Variants in FRMD4B observed in about 807,000 individuals in gnomAD.
FRMD4B encodes FERM domain-containing protein 4B.
FRMD4B carries 74 observed loss-of-function variants against 141.5 expected under a neutral mutation model. The observed-to-expected ratio is 0.52, with a 90% CI of 0.43 to 0.63. The LOEUF is 0.63. FRMD4B is among the 30% of genes least tolerant of loss of function. The pLI, the probability that FRMD4B is intolerant of heterozygous loss-of-function variation, is 0.00. For missense variants in FRMD4B, 1,366 were observed against 1,253.4 expected, an observed-to-expected ratio of 1.09 and a Z score of -1.36; for synonymous variants, 506 against 467.9, an observed-to-expected ratio of 1.08 and a Z score of -1.05.
chr3:69,446,225 C>T (rs954260485), intron 1 of FRMD4B, among the ~76,000 whole-genome samples: 60 of 151,666 alleles, frequency 4.0e-4, no homozygotes, highest in Non-Finnish European at 4.4e-5. Flanking sequence ...ACGAGGTTTC[C>T]TCATGTTGGT....
rs748713879 is a variant in FRMD4B, at chr3:69,196,883, T to C, written c.1092+17A>G. On this transcript the variant is annotated intron_variant, in intron 13 of 22. Coordinates refer to ENST00000398540, the MANE Select transcript of FRMD4B (RefSeq NM_015123.3). ...AAAGGGGAATCTGTCCCTATAGAAA[T>C]GATGCCAGTTACTTACTTTGCTTTG... is the stretch of plus-strand genomic sequence containing the variant. 33 of 1,593,514 alleles carry C rather than the reference T, an allele frequency of 2.1e-5. No individual in the cohort carries two copies. Among genetic ancestry groups the C allele is most frequent in the Middle Eastern group, 3.3e-4 (2 of 6,030 alleles).
chr3:69,518,796 C>T (rs1268990751), intron 1 of FRMD4B, among the ~76,000 whole-genome samples: 1 of 152,186 alleles, frequency 6.6e-6, no homozygotes. Flanking sequence ...GCTGAAGAGA[C>T]TAGCAGGGAA....
chr3:69,328,537 A>C (rs1045772722), intron 1 of FRMD4B, among the ~76,000 whole-genome samples: 1 of 152,174 alleles, frequency 6.6e-6, no homozygotes, highest in Non-Finnish European at 1.5e-5. Flanking sequence ...AGGCATTCTT[A>C]GTCACAGGAT....
rs1279226254 is a variant in FRMD4B, at chr3:69,525,275, G to C, written c.-129+16931C>G. 8.5e-3 allele frequency among the ~76,000 whole-genome samples: 1,291 copies of C among 152,298 alleles called. 21 individuals are homozygous for C. The highest frequency in any genetic ancestry group is 0.029 in the African/African-American group (1,189 of 41,556). ...TTTTTTCAGACTCCCCTTTCTCAGA[G>C]CACACAGGATGGGTAGATGTTGGGT... On this transcript the variant is annotated intron_variant, in intron 1 of 5. Transcript: ENST00000459638.
At chr3:69,297,052 A>T (rs1354616026) in intron 4 of FRMD4B, among the ~76,000 whole-genome samples, 1 of 152,140 alleles carries the variant, frequency 6.6e-6, no homozygotes, top group Non-Finnish European at 1.5e-5. Context: ...CCTAGAATAT[A>T]TTGGGAGCAT....
At chr3:69,336,779 C>A (rs894082171) in intron 1 of FRMD4B, among the ~76,000 whole-genome samples, 5 of 152,044 alleles carry the variant, frequency 3.3e-5, no homozygotes. Context: ...CCTATCTCTA[C>A]TAAAAATATA....
chr3:69,234,262 A>T (rs1053088234), intron 7 of FRMD4B, among the ~76,000 whole-genome samples: 3 of 150,714 alleles, frequency 2.0e-5, no homozygotes, highest in Non-Finnish European at 4.4e-5. Context: ...AAAAAAAAAA[A>T]GTGTATTAAA....
intron 11 of FRMD4B, among the ~76,000 whole-genome samples, chr3:69,208,356 G>A (rs897481001): frequency 9.2e-5 from 14 of 151,644 alleles, no homozygotes; most frequent in African/African-American, 2.2e-4. Context: ...GAGCCACCAC[G>A]CCTGGCCTAA....
chr3:69,249,117 T>G (rs1188882843), intron 7 of FRMD4B, 109 bp downstream of exon 7: 5 of 689,786 alleles, frequency 7.2e-6, no homozygotes, highest in Non-Finnish European at 1.3e-5. Context: ...TCTCCTGCCT[T>G]ACAGATCTAC....
At chr3:69,513,219 A>G (rs1706717360) in intron 1 of FRMD4B, among the ~76,000 whole-genome samples, 1 of 152,158 alleles carries the variant, frequency 6.6e-6, no homozygotes, top group South Asian at 2.1e-4. Flanking sequence ...AAGGAAAGAG[A>G]TGTTAGAAGC....
intron 19 of FRMD4B, among the ~76,000 whole-genome samples, chr3:69,186,335 T>C (rs1270917546): frequency 6.7e-6 from 1 of 148,702 alleles, no homozygotes; most frequent in Non-Finnish European, 1.5e-5. Flanking sequence ...AATTGTGAAA[T>C]CCTGGGCTCA....
chr3:69,512,646 C>T (rs138695899), intron 1 of FRMD4B, among the ~76,000 whole-genome samples: 79 of 152,114 alleles, frequency 5.2e-4, no homozygotes, highest in Non-Finnish European at 2.9e-4. Flanking sequence ...TCCTAGTCAA[C>T]GAGAATAGGG....
At chr3:69,533,059 C>G (rs1701026654) in intron 1 of FRMD4B, among the ~76,000 whole-genome samples, 1 of 152,192 alleles carries the variant, frequency 6.6e-6, no homozygotes, top group South Asian at 2.1e-4. Flanking sequence ...GGCAGTTTTA[C>G]AATGCCAAAA....
intron 1 of FRMD4B, among the ~76,000 whole-genome samples, chr3:69,514,923 T>C (rs944828197): frequency 6.6e-6 from 1 of 151,960 alleles, no homozygotes; most frequent in Non-Finnish European, 1.5e-5. Context: ...TTGAAAAAAA[T>C]GAACAAAGTT....
intron 7 of FRMD4B, among the ~76,000 whole-genome samples, chr3:69,229,015 G>GTTTTTTTTTT (rs58912710): frequency 6.6e-5 from 8 of 120,984 alleles, no homozygotes; most frequent in South Asian, 5.5e-4. Context: ...TCAAAATCAT[G>GTTTTTTTTTT]TTTTTTTTTT....
intron 1 of FRMD4B, among the ~76,000 whole-genome samples, chr3:69,440,445 G>A (rs187938066): frequency 6.6e-6 from 1 of 152,206 alleles, no homozygotes; most frequent in Non-Finnish European, 1.5e-5. Flanking sequence ...ACTGTCTATG[G>A]CTTTATAATA....
Position 69,193,885 on chromosome 3 carries a change from C to A in FRMD4B, c.1489-12G>T. The A allele has an allele frequency of 6.6e-7, 1 of 1,514,604 alleles. No individual in the cohort carries two copies. The highest frequency in any genetic ancestry group is 2.3e-5 in the East Asian group (1 of 44,440). 93.8% of individuals were successfully genotyped at this position (1,514,604 alleles called of 1,614,324 possible). ...TGCAAAGCAGGATCCTGCATTTATA[C>A]AATGATAGTTTTATTTTTATGGACA... On this transcript the variant is annotated splice_polypyrimidine_tract_variant and intron_variant, in intron 16 of 22. Coordinates refer to ENST00000398540, the MANE Select transcript of FRMD4B (RefSeq NM_015123.3).
intron 1 of FRMD4B, among the ~76,000 whole-genome samples, chr3:69,530,544 C>T (rs1700996643): frequency 6.6e-6 from 1 of 151,836 alleles, no homozygotes; most frequent in Non-Finnish European, 1.5e-5. Context: ...AATCATGAGT[C>T]AAATAAAACC....
intron 5 of FRMD4B, among the ~76,000 whole-genome samples, chr3:69,256,831 A>C (rs2093496143): frequency 6.6e-6 from 1 of 152,190 alleles, no homozygotes; most frequent in Non-Finnish European, 1.5e-5. Context: ...CTTTGGGTAC[A>C]TCATTTTCTC....
Sources: allele counts gnomAD v4.1 joint callset (sites outside exome capture counted in the v4.1 genomes callset), GRCh38; gene constraint gnomAD v4.1.1; transcripts MANE v1.5; gene names NCBI Gene and HGNC (gene_info 2026-07-23, HGNC 2026-07-21).